SKIC3: variants seen among roughly 807,000 people sequenced by gnomAD.
SKIC3 encodes SKI3 subunit of superkiller complex.
At chr5:95,532,895 A>C in the SKIC3 span, among the ~76,000 whole-genome samples, 1 of 152,178 alleles carries the variant, frequency 6.6e-6, no homozygotes, top group East Asian at 1.9e-4. Flanking sequence ...GTTTTTAAAA[A>C]ATTAATTTCT....
the SKIC3 span, chr5:95,512,496 A>C: frequency 6.2e-7 from 1 of 1,613,938 alleles, no homozygotes; most frequent in East Asian, 2.2e-5. Context: ...TATTCAAAAT[A>C]ACTTGTGCTG....
At chr5:95,499,604 G>A in the SKIC3 span, among the ~76,000 whole-genome samples, 2 of 152,036 alleles carry the variant, frequency 1.3e-5, no homozygotes, top group Non-Finnish European at 2.9e-5. Flanking sequence ...TAAGTAATTA[G>A]CACAATTTTG....
At chr5:95,527,217 C>G in the SKIC3 span, among the ~76,000 whole-genome samples, 3 of 152,164 alleles carry the variant, frequency 2.0e-5, no homozygotes, top group Non-Finnish European at 2.9e-5. Flanking sequence ...CATTTTCTAT[C>G]TCAGACCTGG....
At chr5:95,496,308 G>A in the SKIC3 span, among the ~76,000 whole-genome samples, 1,466 of 152,240 alleles carry the variant, frequency 9.6e-3, 21 homozygotes, top group African/African-American at 0.033. Context: ...ATGAGCCACC[G>A]TGCCTGGCCC....
the SKIC3 span, among the ~76,000 whole-genome samples, chr5:95,483,393 T>C: frequency 6.6e-6 from 1 of 152,176 alleles, no homozygotes; most frequent in African/African-American, 2.4e-5. Context: ...AAGTAAGAGA[T>C]TGCAACAACA....
the SKIC3 span, among the ~76,000 whole-genome samples, chr5:95,539,249 C>G: frequency 4.0e-5 from 6 of 148,940 alleles, no homozygotes; most frequent in African/African-American, 1.5e-4. Flanking sequence ...AACAAATTAG[C>G]AAGAAAAAAA....
the SKIC3 span, among the ~76,000 whole-genome samples, chr5:95,483,222 T>C: frequency 6.6e-6 from 1 of 152,296 alleles, no homozygotes; most frequent in South Asian, 2.1e-4. Context: ...ATTCTCTGTA[T>C]GTGTATATAT....
At chr5:95,464,801 C>A in the SKIC3 span, 1 of 735,754 alleles carries the variant, frequency 1.4e-6, no homozygotes, top group Non-Finnish European at 2.4e-6. Context: ...TCAAACTATA[C>A]TAGGAAAAGT....
At chr5:95,528,069 A>G in the SKIC3 span, 10 of 1,613,842 alleles carry the variant, frequency 6.2e-6, no homozygotes, top group Admixed American at 1.3e-4. Context: ...AGTTTAATCA[A>G]AGCCTCTGCT....
At chr5:95,509,395 C>CT in the SKIC3 span, among the ~76,000 whole-genome samples, 2 of 152,158 alleles carry the variant, frequency 1.3e-5, no homozygotes, top group Non-Finnish European at 2.9e-5. Context: ...GGGGTTCCTG[C>CT]TAACAGGCCC....
the SKIC3 span, among the ~76,000 whole-genome samples, chr5:95,524,245 C>T: frequency 1.6e-4 from 24 of 152,228 alleles, 1 homozygote; most frequent in South Asian, 2.9e-3. Context: ...AATTATGTCT[C>T]GTTTTCTACA....
the SKIC3 span, among the ~76,000 whole-genome samples, chr5:95,507,972 C>T: frequency 1.2e-4 from 18 of 150,882 alleles, no homozygotes; most frequent in Non-Finnish European, 2.4e-4. Context: ...GCCTAGTTTT[C>T]TCTGTTTAAA....
the SKIC3 span, among the ~76,000 whole-genome samples, chr5:95,465,873 T>C: frequency 3.3e-5 from 5 of 152,338 alleles, no homozygotes; most frequent in East Asian, 3.9e-4. Context: ...TTTGAAAAGA[T>C]AGACTAGAAC....
chr5:95,464,951 A>G, the SKIC3 span, among the ~76,000 whole-genome samples: 29,390 of 131,176 alleles, frequency 0.22, 4,724 homozygotes, highest in African/African-American at 0.43. Flanking sequence ...TTTGGACGGA[A>G]TCTCTCTCTG....
the SKIC3 span, among the ~76,000 whole-genome samples, chr5:95,481,045 A>G: frequency 1.3e-5 from 2 of 152,134 alleles, no homozygotes; most frequent in Non-Finnish European, 2.9e-5. Context: ...GGGAGGTGTT[A>G]AACAGGTATG....
chr5:95,509,830 T>TGATTAC, the SKIC3 span: 5 of 650,284 alleles, frequency 7.7e-6, no homozygotes, highest in Non-Finnish European at 1.4e-5. Flanking sequence ...TGATTTTATC[T>TGATTAC]TGAATATAAT....
the SKIC3 span, among the ~76,000 whole-genome samples, chr5:95,513,952 ATCACTTGGGAGCAG>A: frequency 6.6e-6 from 1 of 152,228 alleles, no homozygotes; most frequent in Admixed American, 6.5e-5. Context: ...CCTCATAATC[ATCACTTGGGAGCAG>A]TTAGAATGCA....
chr5:95,484,582 A>G, the SKIC3 span: 17 of 1,192,080 alleles, frequency 1.4e-5, no homozygotes, highest in Non-Finnish European at 1.8e-5. Flanking sequence ...CGTGGCCTCA[A>G]GTGATCCTCC....
the SKIC3 span, among the ~76,000 whole-genome samples, chr5:95,540,461 A>T: frequency 2.1e-5 from 3 of 145,314 alleles, no homozygotes; most frequent in African/African-American, 2.7e-5. Context: ...ATTAAAAATT[A>T]AAAAAAAAAC....
Sources: allele counts gnomAD v4.1 joint callset (sites outside exome capture counted in the v4.1 genomes callset), GRCh38; gene constraint gnomAD v4.1.1; transcripts MANE v1.5; gene names NCBI Gene and HGNC (gene_info 2026-07-23, HGNC 2026-07-21).